RANBP2: variants seen among roughly 807,000 people sequenced by gnomAD.
The protein encoded by RANBP2 is RAN binding protein 2.
Under a neutral mutation model 303.6 loss-of-function variants are expected in RANBP2, and 57 were observed. The observed-to-expected ratio is 0.19, with a 90% CI of 0.15 to 0.23. RANBP2 has a LOEUF of 0.23. Among genes scored for constraint, RANBP2 ranks in the 10% least tolerant of loss-of-function variants. The pLI is 1.00. For missense variants in RANBP2, 3,138 were observed against 3,780.8 expected (o/e 0.83, Z 4.46); for synonymous variants, 1,167 against 1,301.5 (o/e 0.90, Z 2.23).
At chr2:109,408,376 C>T in the RANBP2 span, among the ~76,000 whole-genome samples, 1 of 152,202 alleles carries the variant, frequency 6.6e-6, no homozygotes. Context: ...AGAACCTTCT[C>T]CACCCAGATC....
At chr2:109,700,172 T>G in the RANBP2 span, among the ~76,000 whole-genome samples, 1 of 152,200 alleles carries the variant, frequency 6.6e-6, no homozygotes, top group African/African-American at 2.4e-5. Context: ...TAGTGTGTAG[T>G]GTCCGGAATG....
At chr2:109,250,860 A>T in the RANBP2 span, among the ~76,000 whole-genome samples, 1 of 152,282 alleles carries the variant, frequency 6.6e-6, no homozygotes, top group African/African-American at 2.4e-5. Context: ...TAGGTAGAAC[A>T]AAAAATCAAA....
At chr2:108,787,557 A>C (rs1188142168), downstream of RANBP2, among the ~76,000 whole-genome samples, 1 of 152,232 alleles carries the variant, frequency 6.6e-6, no homozygotes, top group African/African-American at 2.4e-5. Context: ...TAGAGTTCAT[A>C]AGAAATTTCA....
the RANBP2 span, among the ~76,000 whole-genome samples, chr2:109,452,556 G>A: frequency 6.6e-6 from 1 of 152,178 alleles, no homozygotes; most frequent in Non-Finnish European, 1.5e-5. Flanking sequence ...AGGCAGGGTG[G>A]ATACAGCTCC....
the RANBP2 span, chr2:108,906,157 A>C: frequency 1.3e-6 from 1 of 760,858 alleles, no homozygotes; most frequent in Non-Finnish European, 2.3e-6. Context: ...CCCACACCTG[A>C]AATAGTTTCC....
chr2:109,528,725 TC>T, the RANBP2 span, among the ~76,000 whole-genome samples: 1 of 152,080 alleles, frequency 6.6e-6, no homozygotes, highest in Non-Finnish European at 1.5e-5. Context: ...CCCCAAAGCG[TC>T]CTACTCCCTC....
chr2:109,283,158 A>G, the RANBP2 span, among the ~76,000 whole-genome samples: 233 of 152,294 alleles, frequency 1.5e-3, no homozygotes, highest in Non-Finnish European at 2.5e-3. Flanking sequence ...CAGCCCAGAA[A>G]TGCCTGTGAT....
chr2:109,501,008 G>A, the RANBP2 span, among the ~76,000 whole-genome samples: 1 of 152,172 alleles, frequency 6.6e-6, no homozygotes, highest in Non-Finnish European at 1.5e-5. Context: ...ACATCACATT[G>A]GGCCCCAACC....
At chr2:108,796,276 G>A in the RANBP2 span, among the ~76,000 whole-genome samples, 1 of 150,982 alleles carries the variant, frequency 6.6e-6, no homozygotes, top group South Asian at 2.1e-4. Context: ...GGATGGTCTC[G>A]ATCTCCTGAC....
the RANBP2 span, among the ~76,000 whole-genome samples, chr2:108,794,210 GGA>G: frequency 3.7e-4 from 56 of 152,232 alleles, no homozygotes; most frequent in African/African-American, 1.1e-3. Context: ...TTGGTTTAGG[GGA>G]GAGAGGGGAA....
the RANBP2 span, among the ~76,000 whole-genome samples, chr2:109,160,568 G>T: frequency 3.3e-5 from 5 of 152,170 alleles, no homozygotes; most frequent in Non-Finnish European, 5.9e-5. Context: ...TCTGATTCTA[G>T]CAGTAACTCC....
the RANBP2 span, among the ~76,000 whole-genome samples, chr2:108,860,700 T>C: frequency 2.6e-5 from 4 of 152,056 alleles, no homozygotes; most frequent in Non-Finnish European, 4.4e-5. Context: ...TAGGTTCCGT[T>C]TGCCAGTATT....
At chr2:109,398,658 T>A in the RANBP2 span, 6 of 1,605,942 alleles carry the variant, frequency 3.7e-6, no homozygotes, top group Non-Finnish European at 5.1e-6. Context: ...CCAGCTGCAA[T>A]GCCTCCCTGC....
chr2:108,931,098 TA>T, the RANBP2 span: 1 of 1,332,442 alleles, frequency 7.5e-7, no homozygotes, highest in African/African-American at 1.4e-5. Context: ...TGGCTACCTT[TA>T]TTTAACCCCA....
chr2:108,768,156 A>C lies in RANBP2; in HGVS notation c.7617A>C (p.Ser2539=). The C allele has an allele frequency of 6.2e-7, 1 of 1,612,062 alleles. No individual in the cohort carries two copies. ...KSKPFAFGNS[S]ATGSLFGFSF... is the part of the protein sequence containing the mutation. ...AACCATTTGCATTCGGCAACAGTTC[A>C]GCCACTGGGTCTTTGTTTGGATTTA... Residue 2539 remains serine (S), a synonymous_variant, in exon 20 of 29, where the codon TCA becomes TCC. Coordinates refer to ENST00000283195, the MANE Select transcript of RANBP2 (RefSeq NM_006267.5).
chr2:109,639,682 T>C, the RANBP2 span, among the ~76,000 whole-genome samples: 12 of 151,916 alleles, frequency 7.9e-5, no homozygotes, highest in African/African-American at 2.9e-4. Flanking sequence ...CATAAAATGC[T>C]GTTAAGAGGT....
At chr2:108,732,979 A>G (rs1400693592) in intron 4 of RANBP2, among the ~76,000 whole-genome samples, 3 of 152,020 alleles carry the variant, frequency 2.0e-5, no homozygotes, top group Non-Finnish European at 4.4e-5. Flanking sequence ...ACGTGTTACC[A>G]TGTCCCGCTT....
chr2:109,277,568 C>G, the RANBP2 span, among the ~76,000 whole-genome samples: 2 of 152,188 alleles, frequency 1.3e-5, no homozygotes, highest in Non-Finnish European at 2.9e-5. Flanking sequence ...CTGAGACTTA[C>G]GTGTACACTG....
chr2:109,695,310 G>A, the RANBP2 span, among the ~76,000 whole-genome samples: 1 of 152,014 alleles, frequency 6.6e-6, no homozygotes, highest in Non-Finnish European at 1.5e-5. Flanking sequence ...TCTCATTCAG[G>A]TTGTGATTTT....
Sources: gnomAD v4.1 joint callset for allele counts (sites outside exome capture counted in the v4.1 genomes callset) on GRCh38, gnomAD v4.1.1 for gene constraint, MANE v1.5 for transcripts, NCBI Gene and HGNC (gene_info 2026-07-23, HGNC 2026-07-21) for gene names.